KCNJ15: variants seen among roughly 807,000 people sequenced by gnomAD.
KCNJ15 encodes potassium inwardly rectifying channel subfamily J member 15.
KCNJ15 carries 14 observed loss-of-function variants against 23.0 expected under a neutral mutation model. The observed-to-expected ratio is 0.61, with a 90% CI of 0.40 to 0.95. The LOEUF (loss-of-function observed/expected upper bound fraction) is 0.95. Ranked by LOEUF, KCNJ15 falls within the 40% of genes least tolerant of loss-of-function variation. KCNJ15 has a pLI of 0.00. For missense variants in KCNJ15, 388 were observed against 461.8 expected (o/e 0.84, Z 1.46); for synonymous variants, 185 against 183.2 (o/e 1.01, Z -0.08).
chr21:38,263,981 C>A (rs1238292587), intron 1 of KCNJ15, among the ~76,000 whole-genome samples: 1 of 152,112 alleles, frequency 6.6e-6, no homozygotes, highest in Non-Finnish European at 1.5e-5. Flanking sequence ...TTGATTAAAT[C>A]ATTTACTTAC....
At chr21:38,250,332 A>G (rs1282459171) in intron 1 of KCNJ15, among the ~76,000 whole-genome samples, 2 of 152,326 alleles carry the variant, frequency 1.3e-5, no homozygotes, top group Middle Eastern at 3.4e-3. Context: ...TATTAGAGGG[A>G]TAAACTGTAT....
chr21:38,299,788 A>C lies in KCNJ15; in HGVS notation c.527A>C (p.Glu176Ala), dbSNP rs763418388. 5.0e-6 allele frequency: 8 copies of C among 1,614,146 alleles called. No individual in the cohort carries two copies. The South Asian group carries it at 8.8e-5, about 18-fold the overall frequency. Residue 176 changes from glutamate (E) to alanine (A), a missense_variant, in exon 3 of 3, where the codon GAG (glutamate) becomes GCG (alanine). Coordinates refer to ENST00000398938, the MANE Select transcript of KCNJ15 (RefSeq NM_170736.3). This position sits in a 1 kb window ranked among gnomAD's most constrained non-coding sequence, Gnocchi z 4.5. Reference sequence around the variant, plus strand: ...ATCGCCAGACCCAAAAAGCGGGCTGAGACCATCAAGTTCAGCCACTGTGCA... The same window carrying C: ...ATCGCCAGACCCAAAAAGCGGGCTGCGACCATCAAGTTCAGCCACTGTGCA... Reference protein sequence around the residue: ...AKIARPKKRAETIKFSHCAVI... With the variant: ...AKIARPKKRAATIKFSHCAVI...
At chr21:38,238,609 G>C in intron 1 of KCNJ15, 3 of 604,624 alleles carry the variant, frequency 5.0e-6, no homozygotes, top group South Asian at 1.5e-5. Flanking sequence ...CTTGTGACTC[G>C]TGAAGCTGTG....
intron 1 of KCNJ15, among the ~76,000 whole-genome samples, chr21:38,242,580 G>A (rs537885538): frequency 8.5e-5 from 13 of 152,252 alleles, no homozygotes; most frequent in East Asian, 3.9e-4. Context: ...TATGAAGATC[G>A]ATAGGACGTC....
chr21:38,238,644 C>G (rs971024548), intron 1 of KCNJ15: 2 of 576,002 alleles, frequency 3.5e-6, no homozygotes, highest in South Asian at 3.2e-5. Context: ...TGTGGGCTGA[C>G]ACGGAATTGG....
chr21:38,283,328 C>T (rs185760797), intron 1 of KCNJ15, among the ~76,000 whole-genome samples: 29 of 152,264 alleles, frequency 1.9e-4, no homozygotes, highest in Middle Eastern at 3.4e-3. Flanking sequence ...GGTTGAAAAA[C>T]CTTCCTAATT....
intron 1 of KCNJ15, among the ~76,000 whole-genome samples, chr21:38,270,396 A>G (rs1341980776): frequency 1.3e-5 from 2 of 152,136 alleles, no homozygotes; most frequent in Non-Finnish European, 2.9e-5. Context: ...ATCCTAGCCT[A>G]ATGCAATGTG....
At chr21:38,259,386 TAC>T (rs935170945) in intron 1 of KCNJ15, among the ~76,000 whole-genome samples, 3 of 152,192 alleles carry the variant, frequency 2.0e-5, no homozygotes, top group African/African-American at 7.2e-5. Flanking sequence ...TGAAGGCATA[TAC>T]ACCTCCCTAA....
chr21:38,296,485 G>A (rs930355333), intron 1 of KCNJ15: 3 of 152,230 alleles, frequency 2.0e-5, no homozygotes, highest in African/African-American at 7.2e-5. Flanking sequence ...TGTCAAGTGG[G>A]ATGGTTCTGA....
intron 1 of KCNJ15, among the ~76,000 whole-genome samples, chr21:38,260,356 A>G (rs1321955881): frequency 6.6e-6 from 1 of 152,220 alleles, no homozygotes; most frequent in Non-Finnish European, 1.5e-5. Flanking sequence ...ATGCCCAGGG[A>G]GAATTTCAGT....
chr21:38,277,315 T>C (rs1166352985), intron 1 of KCNJ15, among the ~76,000 whole-genome samples: 2 of 152,164 alleles, frequency 1.3e-5, no homozygotes, highest in Non-Finnish European at 2.9e-5. Flanking sequence ...AAGATGTTGT[T>C]GATGAAGCTG....
intron 1 of KCNJ15, among the ~76,000 whole-genome samples, chr21:38,278,620 C>T (rs1400910816): frequency 6.6e-6 from 1 of 152,126 alleles, no homozygotes; most frequent in Admixed American, 6.6e-5. Flanking sequence ...GCCCCAAACC[C>T]ATGGGAACAG....
intron 1 of KCNJ15, among the ~76,000 whole-genome samples, chr21:38,244,511 GCTTT>G (rs527734629): frequency 8.1e-4 from 123 of 152,276 alleles, no homozygotes; most frequent in Non-Finnish European, 1.5e-3. Context: ...TCCTGGGAGT[GCTTT>G]CTATTTCATC....
intron 1 of KCNJ15, among the ~76,000 whole-genome samples, chr21:38,289,153 C>T (rs1984310028): frequency 6.9e-6 from 1 of 144,152 alleles, no homozygotes; most frequent in South Asian, 2.2e-4. Context: ...GCTGAGATCG[C>T]ACCATTGCAC....
At chr21:38,238,233 A>G (rs908054001) in intron 1 of KCNJ15, 17 of 584,362 alleles carry the variant, frequency 2.9e-5, no homozygotes, top group Admixed American at 2.2e-4. Flanking sequence ...GCAGTCACGG[A>G]TGTAGCAGTT....
At chr21:38,242,196 GCAATTTT>G (rs1979055316) in intron 1 of KCNJ15, among the ~76,000 whole-genome samples, 1 of 152,122 alleles carries the variant, frequency 6.6e-6, no homozygotes, top group Non-Finnish European at 1.5e-5. Context: ...ACTTGGATGT[GCAATTTT>G]CATACCATCT....
In KCNJ15 at chr21:38,301,589, G is replaced by A. The variant is rs918300583; in HGVS notation, c.*1200G>A. On this transcript the variant is annotated 3_prime_UTR_variant, in exon 3 of 3. Coordinates refer to ENST00000398938, the MANE Select transcript of KCNJ15 (RefSeq NM_170736.3). ...TGTTCTCAGATGCTGATGTTTGTAA[G>A]GTCCGGTGGGGCCATGAGGAAGAAG... 1 of 167,034 alleles carries A rather than the reference G, an allele frequency of 6.0e-6. No individual in the cohort carries two copies. The highest frequency in any genetic ancestry group is 1.5e-5 in the Non-Finnish European group (1 of 68,118). The allele number at this position is 167,034 out of a possible 1,614,324, so 10.3% of individuals were successfully genotyped here.
upstream of KCNJ15, among the ~76,000 whole-genome samples, chr21:38,254,327 C>T (rs916981112): frequency 3.9e-5 from 6 of 152,276 alleles, no homozygotes; most frequent in Admixed American, 3.9e-4. Context: ...GATCTGCAGC[C>T]TCAAAATCTA....
chr21:38,269,009 T>C (rs997381170), intron 1 of KCNJ15: 6 of 152,168 alleles, frequency 3.9e-5, no homozygotes, highest in African/African-American at 1.2e-4. Flanking sequence ...CCTCCACAAG[T>C]GATTCAACTT....
Sources: gnomAD v4.1 joint callset for allele counts (sites outside exome capture counted in the v4.1 genomes callset) on GRCh38, gnomAD v4.1.1 for gene constraint, Gnocchi (gnomAD v3.1) non-coding constraint, MANE v1.5 for transcripts, NCBI Gene and HGNC (gene_info 2026-07-23, HGNC 2026-07-21) for gene names.